Variants in R3HDM1 observed in about 807,000 individuals in gnomAD.
R3HDM1 encodes the protein R3H domain containing 1.
R3HDM1 carries 46 observed loss-of-function variants against 141.1 expected under a neutral mutation model. That is an observed-to-expected ratio of 0.33 (90% CI 0.26 to 0.42). R3HDM1 has a LOEUF of 0.42. R3HDM1 is among the 10% of genes least tolerant of loss of function. R3HDM1 has a pLI of 1.00. For synonymous variants in R3HDM1, 435 were observed against 472.9 expected (o/e 0.92, Z 1.04); for missense variants, 1,184 against 1,368.3 (o/e 0.87, Z 2.12).
chr2:135,616,790 A>G (rs1356951058), intron 5 of R3HDM1, 33 bp downstream of exon 5: 3 of 1,496,050 alleles, frequency 2.0e-6, no homozygotes, highest in Admixed American at 1.8e-5. Context: ...ATTTCAAGAC[A>G]TGGTGGAACT....
chr2:135,617,292 A>C (rs1022074544), intron 5 of R3HDM1, among the ~76,000 whole-genome samples: 3 of 151,892 alleles, frequency 2.0e-5, no homozygotes, highest in Non-Finnish European at 4.4e-5. Context: ...GCACCACTGC[A>C]CTCCAACCTG....
At chr2:135,636,049 A>G in intron 10 of R3HDM1, 39 bp from the exon 11 acceptor site, 2 of 1,610,956 alleles carry the variant, frequency 1.2e-6, no homozygotes, top group Admixed American at 1.7e-5. Flanking sequence ...ATACTATACC[A>G]GTAGTTCATT....
intron 3 of R3HDM1, among the ~76,000 whole-genome samples, chr2:135,609,297 CTG>C (rs2060328220): frequency 6.6e-6 from 1 of 152,104 alleles, no homozygotes. Context: ...TTGTTTTGGA[CTG>C]TAATATTTTA....
At chr2:135,707,006 G>T (rs946266499) in intron 21 of R3HDM1, among the ~76,000 whole-genome samples, 1 of 152,028 alleles carries the variant, frequency 6.6e-6, no homozygotes, top group African/African-American at 2.4e-5. Context: ...CGGGCGGGGG[G>T]CTGACCCCCC....
chr2:135,592,338 A>G (rs564743962), intron 1 of R3HDM1, among the ~76,000 whole-genome samples: 2 of 152,290 alleles, frequency 1.3e-5, no homozygotes, highest in African/African-American at 2.4e-5. Context: ...TTATTTTCCA[A>G]TTATTGATAA....
chr2:135,579,595 C>CGG (rs371620854), intron 1 of R3HDM1, among the ~76,000 whole-genome samples: 433 of 86,768 alleles, frequency 5.0e-3, no homozygotes, highest in African/African-American at 0.021. Context: ...TATGGGGTGG[C>CGG]GGGGGGGGGT....
At chr2:135,634,084 T>C (rs1358684350) in intron 9 of R3HDM1, among the ~76,000 whole-genome samples, 19 of 152,198 alleles carry the variant, frequency 1.2e-4, no homozygotes, top group Admixed American at 1.2e-3. Flanking sequence ...ATAAAAATCT[T>C]TCAAACCCTT....
chr2:135,644,959 G>A (rs1410794201), intron 15 of R3HDM1, among the ~76,000 whole-genome samples: 1 of 152,022 alleles, frequency 6.6e-6, no homozygotes, highest in Non-Finnish European at 1.5e-5. Context: ...TCACATGCCT[G>A]TAATCCCAGC....
At chr2:135,639,697 TC>T in intron 14 of R3HDM1, among the ~76,000 whole-genome samples, 1 of 152,236 alleles carries the variant, frequency 6.6e-6, no homozygotes, top group Non-Finnish European at 1.5e-5. Context: ...TAACATTTCT[TC>T]TTTTCATTTC....
At chr2:135,715,975 TAC>T (rs1474837748) in intron 24 of R3HDM1, among the ~76,000 whole-genome samples, 2 of 152,236 alleles carry the variant, frequency 1.3e-5, no homozygotes, top group Non-Finnish European at 2.9e-5. Context: ...ATAGTAATAA[TAC>T]ACAGTTTTCT....
chr2:135,661,817 T>C (rs922060739), intron 19 of R3HDM1, among the ~76,000 whole-genome samples: 1 of 152,220 alleles, frequency 6.6e-6, no homozygotes, highest in African/African-American at 2.4e-5. Flanking sequence ...AGGGATGATA[T>C]TTTGATCTCT....
rs953370910 is a variant in R3HDM1, at chr2:135,651,950, C to T, written c.1946C>T (p.Thr649Ile). ...PPLPPGQPVP[T>I]AGYPASGHPV... ...CTACCACCTGGGCAGCCAGTCCCTACTGCTGGATATCCTGCCTCTGGTCAT... is the reference window on the plus strand; with the variant it reads ...CTACCACCTGGGCAGCCAGTCCCTATTGCTGGATATCCTGCCTCTGGTCAT... The change falls in exon 18 of 27, where the codon ACT becomes ATT. Residue 649 changes from threonine to isoleucine, a missense_variant. This residue lies in a region of R3HDM1 where 563 missense variants were observed against 562.0 expected (regional missense o/e 1.00). Coordinates refer to ENST00000683871, the MANE Select transcript of R3HDM1 (RefSeq NM_001378107.1). The T allele has an allele frequency of 2.5e-5, 40 of 1,612,902 alleles. No individual in the cohort carries two copies. The highest frequency in any genetic ancestry group is 3.3e-5 in the Non-Finnish European group (39 of 1,179,412).
At chr2:135,544,254 A>G (rs1207751577) in intron 1 of R3HDM1, among the ~76,000 whole-genome samples, 1 of 152,246 alleles carries the variant, frequency 6.6e-6, no homozygotes. Flanking sequence ...AATTTTAAAT[A>G]TACTTATGTA....
intron 1 of R3HDM1, among the ~76,000 whole-genome samples, chr2:135,576,224 C>A (rs1330106823): frequency 6.6e-6 from 1 of 151,856 alleles, no homozygotes; most frequent in African/African-American, 2.4e-5. Flanking sequence ...ATGGCGAAAC[C>A]CTGACTAAAA....
intron 24 of R3HDM1, among the ~76,000 whole-genome samples, chr2:135,720,519 C>T (rs1311103605): frequency 6.6e-6 from 1 of 152,200 alleles, no homozygotes; most frequent in African/African-American, 2.4e-5. Flanking sequence ...TTGCAGTCAG[C>T]ATTTATTAAG....
At chr2:135,705,121 C>A (rs2074736988) in intron 21 of R3HDM1, among the ~76,000 whole-genome samples, 1 of 152,184 alleles carries the variant, frequency 6.6e-6, no homozygotes, top group South Asian at 2.1e-4. Context: ...TCATAAATGG[C>A]AACATGTATT....
At chr2:135,593,636 A>G (rs1251167470) in intron 1 of R3HDM1, among the ~76,000 whole-genome samples, 2 of 152,156 alleles carry the variant, frequency 1.3e-5, no homozygotes, top group South Asian at 2.1e-4. Context: ...GCTCATGTCC[A>G]TGCCAAAGGT....
intron 16 of R3HDM1, among the ~76,000 whole-genome samples, chr2:135,647,020 A>G (rs192031739): frequency 6.6e-6 from 1 of 152,314 alleles, no homozygotes; most frequent in East Asian, 1.9e-4. Flanking sequence ...TGTGAAAGTC[A>G]TAAAAAATAA....
At chr2:135,534,109 T>G (rs1005995172) in intron 1 of R3HDM1, among the ~76,000 whole-genome samples, 4 of 152,218 alleles carry the variant, frequency 2.6e-5, no homozygotes, top group African/African-American at 9.6e-5. Flanking sequence ...TAGTTATTTT[T>G]GATTAGCTTA....
Sources: gnomAD v4.1 joint callset for allele counts (sites outside exome capture counted in the v4.1 genomes callset) on GRCh38, gnomAD v4.1.1 for gene constraint, gnomAD v4.1.1 regional missense constraint, MANE v1.5 for transcripts, NCBI Gene and HGNC (gene_info 2026-07-23, HGNC 2026-07-21) for gene names.